NXPH2: variants seen among roughly 807,000 people sequenced by gnomAD.
NXPH2 encodes the protein neurexophilin 2, also known as neurexophilin-2.
In NXPH2, 5 loss-of-function variants were observed where a neutral mutation model predicts 19.8. The observed-to-expected ratio is 0.25, with a 90% confidence interval of 0.13 to 0.53. NXPH2 has a LOEUF of 0.53. Among genes scored for constraint, NXPH2 ranks in the 20% least tolerant of loss-of-function variants. The pLI, the probability that NXPH2 is intolerant of heterozygous loss-of-function variation, is 0.96. For missense variants in NXPH2, 289 were observed against 322.8 expected (o/e 0.90, Z 0.80); for synonymous variants, 154 against 127.4 (o/e 1.21, Z -1.41).
intron 1 of NXPH2, among the ~76,000 whole-genome samples, chr2:138,684,266 A>C (rs554413616): frequency 1.3e-5 from 2 of 152,302 alleles, no homozygotes; most frequent in East Asian, 3.9e-4. Flanking sequence ...TGTACTTTCT[A>C]TAGTAATACT....
intron 1 of NXPH2, among the ~76,000 whole-genome samples, chr2:138,697,927 C>T (rs1680852704): frequency 6.6e-6 from 1 of 151,886 alleles, no homozygotes; most frequent in Admixed American, 6.6e-5. Flanking sequence ...GAATGAAATA[C>T]CTACTGCTTG....
chr2:138,770,910 T>C (rs1166321517), intron 1 of NXPH2, among the ~76,000 whole-genome samples: 1 of 152,144 alleles, frequency 6.6e-6, no homozygotes, highest in East Asian at 1.9e-4. Flanking sequence ...TTTATATACC[T>C]GATAAGTAAT....
At chr2:138,712,160 C>A (rs73961514) in intron 1 of NXPH2, among the ~76,000 whole-genome samples, 192 of 152,304 alleles carry the variant, frequency 1.3e-3, no homozygotes, top group African/African-American at 4.0e-3. Flanking sequence ...TGTGTGTGCA[C>A]GTGCATCGCA....
chr2:138,685,076 C>A (rs1175105578), intron 1 of NXPH2, among the ~76,000 whole-genome samples: 2 of 152,176 alleles, frequency 1.3e-5, no homozygotes, highest in African/African-American at 4.8e-5. Flanking sequence ...CCAGACCAAT[C>A]AGTTGATTTT....
intron 1 of NXPH2, among the ~76,000 whole-genome samples, chr2:138,757,240 A>G (rs1558930516): frequency 6.6e-6 from 1 of 152,150 alleles, no homozygotes. Flanking sequence ...GCTAGGCTGA[A>G]CTACATTTCT....
At chr2:138,682,804 A>G (rs1157803704) in intron 1 of NXPH2, among the ~76,000 whole-genome samples, 1 of 152,218 alleles carries the variant, frequency 6.6e-6, no homozygotes, top group Non-Finnish European at 1.5e-5. Flanking sequence ...TTCTTATTTT[A>G]TCTTGATGAC....
At chr2:138,729,941 C>T (rs572083149) in intron 1 of NXPH2, among the ~76,000 whole-genome samples, 4 of 152,294 alleles carry the variant, frequency 2.6e-5, no homozygotes, top group Non-Finnish European at 4.4e-5. Flanking sequence ...GCTTAAACAA[C>T]AGACATTTAT....
At chr2:138,761,240 G>C (rs1039765267) in intron 1 of NXPH2, among the ~76,000 whole-genome samples, 5 of 152,072 alleles carry the variant, frequency 3.3e-5, no homozygotes, top group Non-Finnish European at 7.4e-5. Context: ...TCTTTCACCA[G>C]CGCATTCTCT....
chr2:138,692,505 C>G (rs2104976847), intron 1 of NXPH2, among the ~76,000 whole-genome samples: 1 of 152,194 alleles, frequency 6.6e-6, no homozygotes, highest in South Asian at 2.1e-4. Context: ...CACCAGGTAC[C>G]TTTTTGCCAT....
At chr2:138,693,659 G>C (rs956162160) in intron 1 of NXPH2, among the ~76,000 whole-genome samples, 1 of 151,954 alleles carries the variant, frequency 6.6e-6, no homozygotes, top group African/African-American at 2.4e-5. Flanking sequence ...GTACCAGCAG[G>C]GATGTCCAGC....
In NXPH2 at chr2:138,677,651, A is replaced by AT. The variant is rs575184990; in HGVS notation, c.52-5987dup. 3.3e-3 allele frequency among the ~76,000 whole-genome samples: 496 copies of AT among 152,286 alleles called. 12 individuals are homozygous for AT. Among genetic ancestry groups the AT allele is most frequent in the Admixed American group, 0.029 (439 of 15,290 alleles). On this transcript the variant is annotated intron_variant, in intron 1 of 1. Coordinates refer to ENST00000272641, the MANE Select transcript of NXPH2 (RefSeq NM_007226.3). ...TTGAATTTTACTGATAATTAAATGC[A>AT]TTTTTTCCCAAGAGGCAGAGAAGCT...
intron 1 of NXPH2, among the ~76,000 whole-genome samples, chr2:138,726,050 G>GT (rs1183483949): frequency 6.6e-6 from 1 of 152,032 alleles, no homozygotes; most frequent in African/African-American, 2.4e-5. Context: ...GTTTCATTTT[G>GT]TTTTTGTTTT....
intron 1 of NXPH2, among the ~76,000 whole-genome samples, chr2:138,764,612 C>T (rs1228026409): frequency 6.6e-6 from 1 of 152,098 alleles, no homozygotes; most frequent in Non-Finnish European, 1.5e-5. Context: ...AAAATGTTCC[C>T]AAGGTTTCTG....
intron 1 of NXPH2, among the ~76,000 whole-genome samples, chr2:138,772,588 C>T (rs184052001): frequency 2.6e-5 from 4 of 152,282 alleles, no homozygotes; most frequent in East Asian, 1.9e-4. Context: ...TGAGCCACCG[C>T]GCCCGGCCCA....
chr2:138,700,603 A>G (rs1238149312), intron 1 of NXPH2, among the ~76,000 whole-genome samples: 1 of 152,116 alleles, frequency 6.6e-6, no homozygotes, highest in Non-Finnish European at 1.5e-5. Context: ...AGAATTTGTT[A>G]TGGCTCTTTA....
At chr2:138,704,819 G>A (rs1680983407) in intron 1 of NXPH2, among the ~76,000 whole-genome samples, 1 of 119,836 alleles carries the variant, frequency 8.3e-6, no homozygotes, top group Non-Finnish European at 1.7e-5. Context: ...ACCACGCCCA[G>A]CTAATTTTTT....
rs1682333558 is a variant in NXPH2, at chr2:138,780,331, G to A, written c.-90C>T. 8.3e-6 allele frequency: 8 copies of A among 968,066 alleles called. No individual in the cohort carries two copies. Among genetic ancestry groups the A allele is most frequent in the Non-Finnish European group, 1.1e-5 (8 of 751,356 alleles). 60.0% of individuals were successfully genotyped at this position (968,066 alleles called of 1,614,324 possible). A position where few individuals can be genotyped will look rare whatever the true frequency, so the allele number is the denominator to read the frequency against. On this transcript the variant is annotated 5_prime_UTR_variant, in exon 1 of 2. Coordinates refer to ENST00000272641, the MANE Select transcript of NXPH2 (RefSeq NM_007226.3). Reference sequence around the variant, plus strand: ...TCGCGGGGCAGGACTGAGGACGCCAGGGACACAGCGCGGCGCTTCCCTCCC... The same window carrying A: ...TCGCGGGGCAGGACTGAGGACGCCAAGGACACAGCGCGGCGCTTCCCTCCC...
chr2:138,729,959 C>T (rs891363758), intron 1 of NXPH2, among the ~76,000 whole-genome samples: 2 of 152,186 alleles, frequency 1.3e-5, no homozygotes, highest in African/African-American at 4.8e-5. Context: ...TATTGTCTCA[C>T]AGTCCTGGAG....
intron 1 of NXPH2, among the ~76,000 whole-genome samples, chr2:138,674,016 A>T (rs548819902): frequency 2.8e-4 from 42 of 151,970 alleles, no homozygotes; most frequent in African/African-American, 9.4e-4. Flanking sequence ...ACAGGATATC[A>T]CTCTGTCACC....
Sources: gnomAD v4.1 joint callset for allele counts (sites outside exome capture counted in the v4.1 genomes callset) on GRCh38, gnomAD v4.1.1 for gene constraint, MANE v1.5 for transcripts, NCBI Gene and HGNC (gene_info 2026-07-23, HGNC 2026-07-21) for gene names.